The following KCNH7 variants were observed in gnomAD, a reference collection of about 807,000 sequenced individuals.
The protein encoded by KCNH7 is voltage-gated inwardly rectifying potassium channel KCNH7.
In KCNH7, 49 loss-of-function variants were observed where a neutral mutation model predicts 120.8. That is an observed-to-expected ratio of 0.41 (90% CI 0.32 to 0.51). The LOEUF (loss-of-function observed/expected upper bound fraction) is 0.51, where lower values mean the gene tolerates loss of function less well. Ranked by LOEUF, KCNH7 falls within the 20% of genes least tolerant of loss-of-function variation. KCNH7 has a pLI of 0.38. For synonymous variants in KCNH7, 547 were observed against 516.1 expected, an observed-to-expected ratio of 1.06 and a Z score of -0.81; for missense variants, 1,097 against 1,446.6, an observed-to-expected ratio of 0.76 and a Z score of 3.92.
At chr2:162,581,859 GTTGCTAC>G (rs1383508962) in intron 2 of KCNH7, among the ~76,000 whole-genome samples, 3 of 151,998 alleles carry the variant, frequency 2.0e-5, no homozygotes, top group Admixed American at 2.0e-4. Context: ...CTGAAATCTT[GTTGCTAC>G]AAAGGGACCC....
intron 6 of KCNH7, among the ~76,000 whole-genome samples, chr2:162,489,688 C>T (rs1250129152): frequency 6.6e-6 from 1 of 152,130 alleles, no homozygotes; most frequent in Non-Finnish European, 1.5e-5. Context: ...TCCATAATTA[C>T]CCTAATGACA....
At chr2:162,464,989 T>G (rs1005257036) in intron 6 of KCNH7, among the ~76,000 whole-genome samples, 1 of 152,098 alleles carries the variant, frequency 6.6e-6, no homozygotes, top group Non-Finnish European at 1.5e-5. Flanking sequence ...AAAGCAACTA[T>G]TTTTCTCTAC....
intron 6 of KCNH7, among the ~76,000 whole-genome samples, chr2:162,449,305 C>A (rs1283163945): frequency 1.3e-5 from 2 of 151,734 alleles, no homozygotes; most frequent in Non-Finnish European, 2.9e-5. Flanking sequence ...ACAATTATTG[C>A]AGGATTTATA....
intron 9 of KCNH7, among the ~76,000 whole-genome samples, chr2:162,402,953 T>C (rs932973222): frequency 6.6e-6 from 1 of 151,936 alleles, no homozygotes; most frequent in African/African-American, 2.4e-5. Context: ...TCCAGAGTTC[T>C]AGCTCCATCA....
chr2:162,807,455 C>A (rs544844903), intron 2 of KCNH7, among the ~76,000 whole-genome samples: 2 of 151,248 alleles, frequency 1.3e-5, no homozygotes, highest in South Asian at 2.1e-4. Flanking sequence ...AGAAAACAAC[C>A]CAACAAGACA....
intron 2 of KCNH7, among the ~76,000 whole-genome samples, chr2:162,584,198 C>T (rs1197406524): frequency 6.6e-6 from 1 of 152,088 alleles, no homozygotes; most frequent in Middle Eastern, 3.2e-3. Flanking sequence ...GCCTCTAATA[C>T]CATATGCTGT....
chr2:162,578,144 G>A (rs538777495), intron 2 of KCNH7, among the ~76,000 whole-genome samples: 1 of 152,116 alleles, frequency 6.6e-6, no homozygotes, highest in South Asian at 2.1e-4. Context: ...GATTTGGGAT[G>A]TTTTACACAG....
chr2:162,783,968 A>C (rs1683604626), intron 2 of KCNH7, among the ~76,000 whole-genome samples: 2 of 152,184 alleles, frequency 1.3e-5, no homozygotes, highest in African/African-American at 4.8e-5. Flanking sequence ...GTTGCAGTTC[A>C]AAGAGCTAAT....
intron 2 of KCNH7, among the ~76,000 whole-genome samples, chr2:162,588,942 T>C (rs1465680404): frequency 2.0e-5 from 3 of 152,030 alleles, no homozygotes; most frequent in Admixed American, 6.6e-5. Context: ...TAGGACTGGG[T>C]TACTATCCTC....
intron 2 of KCNH7, among the ~76,000 whole-genome samples, chr2:162,606,276 A>G (rs12464223): frequency 1 from 151,919 of 152,112 alleles, 75,864 homozygotes; most frequent in East Asian, 1. Flanking sequence ...CAAAGAGTAT[A>G]AGTAAGTGAA....
At chr2:162,742,051 G>A (rs1479428517) in intron 2 of KCNH7, among the ~76,000 whole-genome samples, 1 of 152,164 alleles carries the variant, frequency 6.6e-6, no homozygotes, top group Non-Finnish European at 1.5e-5. Flanking sequence ...TTAAGAGCAG[G>A]AGATGATTTT....
At chr2:162,729,159 C>G (rs1246955333) in intron 2 of KCNH7, among the ~76,000 whole-genome samples, 1 of 144,020 alleles carries the variant, frequency 6.9e-6, no homozygotes, top group East Asian at 2.2e-4. Context: ...TCAATATACC[C>G]AAATTTTTTT....
rs1054958067 is a variant in KCNH7, at chr2:162,838,521, T to C, written c.-3A>G. On this transcript the variant is annotated 5_prime_UTR_variant, in exon 1 of 16. Transcript: ENST00000332142. ...ACATGCCCCCTGCGCACAGGCATGTTGGCCCCGGTCTTCCGAGGAGCGCTC... is the reference window on the plus strand; with the variant it reads ...ACATGCCCCCTGCGCACAGGCATGTCGGCCCCGGTCTTCCGAGGAGCGCTC... The C allele has an allele frequency of 6.2e-6, 10 of 1,611,770 alleles. No homozygotes were observed. The highest frequency in any genetic ancestry group is 1.9e-4 in the Middle Eastern group (1 of 5,148).
At chr2:162,699,764 C>T in intron 2 of KCNH7, among the ~76,000 whole-genome samples, 1 of 152,114 alleles carries the variant, frequency 6.6e-6, no homozygotes, top group East Asian at 1.9e-4. Flanking sequence ...TCCTGGTGAA[C>T]ACAGTTTCTT....
intron 6 of KCNH7, among the ~76,000 whole-genome samples, chr2:162,466,167 A>C (rs374662575): frequency 5.6e-4 from 85 of 152,298 alleles, no homozygotes; most frequent in African/African-American, 1.7e-3. Context: ...TAAAAATGGC[A>C]CAAGAGAGAC....
chr2:162,494,748 G>A (rs1460321457), intron 6 of KCNH7, among the ~76,000 whole-genome samples: 1 of 152,026 alleles, frequency 6.6e-6, no homozygotes, highest in African/African-American at 2.4e-5. Context: ...ATAGGACTTG[G>A]ACAGGAGCTC....
At chr2:162,436,055 G>C (rs778959659) in intron 7 of KCNH7, among the ~76,000 whole-genome samples, 2 of 151,968 alleles carry the variant, frequency 1.3e-5, no homozygotes, top group Non-Finnish European at 2.9e-5. Context: ...AGTCTACTGA[G>C]GAGAGAGAGA....
intron 5 of KCNH7, among the ~76,000 whole-genome samples, chr2:162,507,344 T>C (rs1413854664): frequency 1.3e-5 from 2 of 151,656 alleles, no homozygotes; most frequent in African/African-American, 4.8e-5. Context: ...TAAAAGTTCC[T>C]TCAAAAATAT....
intron 2 of KCNH7, among the ~76,000 whole-genome samples, chr2:162,547,845 G>A (rs1181549808): frequency 6.6e-6 from 1 of 152,136 alleles, no homozygotes; most frequent in African/African-American, 2.4e-5. Flanking sequence ...ACAGGAAAAG[G>A]CGTGTTTTAA....
Sources: gnomAD v4.1 joint callset for allele counts (sites outside exome capture counted in the v4.1 genomes callset) on GRCh38, gnomAD v4.1.1 for gene constraint, MANE v1.5 for transcripts, NCBI Gene and HGNC (gene_info 2026-07-23, HGNC 2026-07-21) for gene names.